NTMT1: variants seen among roughly 807,000 people sequenced by gnomAD.
NTMT1 encodes the protein N-terminal Xaa-Pro-Lys N-methyltransferase 1, also known as N-terminal RCC1 methyltransferase.
A neutral mutation model predicts 17.5 loss-of-function variants in NTMT1; 8 were observed. The ratio of observed to expected loss-of-function variants is 0.46; its 90% confidence interval spans 0.27 to 0.82. The LOEUF is 0.82. NTMT1 is among the 40% of genes least tolerant of loss of function. NTMT1 has a pLI of 0.15. For synonymous variants in NTMT1, 128 were observed against 126.8 expected (o/e 1.01, Z -0.06); for missense variants, 221 against 303.5 (o/e 0.73, Z 2.02).
At chr9:129,624,918 G>T (rs751555222), upstream of NTMT1, among the ~76,000 whole-genome samples, 24 of 152,256 alleles carry the variant, frequency 1.6e-4, no homozygotes, top group South Asian at 2.1e-4. Context: ...GTGCACCACC[G>T]TGCCCTGCCA....
At chr9:129,630,103 G>T (rs575310698) in intron 1 of NTMT1, among the ~76,000 whole-genome samples, 2 of 152,334 alleles carry the variant, frequency 1.3e-5, no homozygotes, top group Non-Finnish European at 2.9e-5. Context: ...CTTCTGGAAA[G>T]TTCCTTCTCT....
rs374533917 is a variant in NTMT1 at position 129,635,339 on chromosome 9, G to A, written c.547G>A (p.Val183Met). The change falls in exon 4 of 4, where the codon GTG becomes ATG. Residue 183 changes from valine to methionine, a missense_variant. By Grantham distance (21) the Val-to-Met change is conservative. Transcript: ENST00000372483. ...GATTCTGGACGACGTGGACAGCAGC[G>A]TGTGCCGGGACCTTGACGTGGTCCG... ...GVILDDVDSS[V>M]CRDLDVVRRI... 1.3e-5 allele frequency: 21 copies of A among 1,613,728 alleles called. No individual in the cohort carries two copies. Among genetic ancestry groups the A allele is most frequent in the African/African-American group, 4.0e-5 (3 of 74,930 alleles).
chr9:129,612,696 A>G (rs1180010649), intron 1 of NTMT1, among the ~76,000 whole-genome samples: 1 of 152,204 alleles, frequency 6.6e-6, no homozygotes, highest in Non-Finnish European at 1.5e-5. Flanking sequence ...TGGCCAGCAT[A>G]GTGAAACCCT....
rs755616716 is a variant in NTMT1 at position 129,634,264 on chromosome 9, G to A, written c.373G>A (p.Glu125Lys). Reference protein sequence around the residue: ...FCCGLQDFTPEPDSYDVIWIQ... With the variant: ...FCCGLQDFTPKPDSYDVIWIQ... The stretch of plus-strand genomic sequence containing the variant: ...TTGTGGGCTCCAGGACTTCACCCCG[G>A]AGCCGGACTCTTACGACGTGATCTG... The change falls in exon 3 of 4, where the codon GAG (glutamate) becomes AAG (lysine). Residue 125 changes from glutamate to lysine, a missense_variant. Coordinates refer to ENST00000372483, the MANE Select transcript of NTMT1 (RefSeq NM_014064.4). The A allele has an allele frequency of 6.2e-7, 1 of 1,613,294 alleles. No individual in the cohort carries two copies. The highest frequency in any genetic ancestry group is 2.2e-5 in the East Asian group (1 of 44,868).
At chr9:129,625,591 C>A (rs1364145906), upstream of NTMT1, among the ~76,000 whole-genome samples, 3 of 152,128 alleles carry the variant, frequency 2.0e-5, no homozygotes, top group East Asian at 5.8e-4. Context: ...CTGTGTTGGG[C>A]GCGGTGGCTC....
At chr9:129,632,449 G>A (rs941286461) in intron 1 of NTMT1, among the ~76,000 whole-genome samples, 2 of 152,222 alleles carry the variant, frequency 1.3e-5, no homozygotes, top group African/African-American at 2.4e-5. Context: ...TTGAAGCCAG[G>A]ACTTGGGGCG....
In NTMT1 at chr9:129,620,053, C is replaced by G. The variant is rs573286907; in HGVS notation, c.-55+10875C>G. The G allele has an allele frequency of 6.9e-7, 1 of 1,454,270 alleles. No individual in the cohort carries two copies. Among genetic ancestry groups the G allele is most frequent in the African/African-American group, 1.4e-5 (1 of 69,748 alleles). 90.1% of individuals were successfully genotyped at this position (1,454,270 alleles called of 1,614,324 possible). A position where few individuals can be genotyped will look rare whatever the true frequency, so the allele number is the denominator to read the frequency against. On this transcript the variant is annotated intron_variant, in intron 1 of 3. Transcript: ENST00000372486. This position sits in a 1 kb window ranked among gnomAD's most constrained non-coding sequence, Gnocchi z 5.8. ...ATGACTCGGGCCCGCCCCCCGGGCC[C>G]CGCGGGGCCTCACTCAGTGGCTCCG...
At chr9:129,632,338 G>A (rs1304074357) in intron 1 of NTMT1, among the ~76,000 whole-genome samples, 12 of 152,188 alleles carry the variant, frequency 7.9e-5, no homozygotes, top group Non-Finnish European at 1.0e-4. Context: ...TAGCTGCTCC[G>A]GAGGGTGAGG....
At chr9:129,616,520 C>T (rs1830397346) in intron 1 of NTMT1, among the ~76,000 whole-genome samples, 1 of 152,166 alleles carries the variant, frequency 6.6e-6, no homozygotes, top group African/African-American at 2.4e-5. Flanking sequence ...GCCCGCCTGC[C>T]TGAGCTGTTC....
intron 1 of NTMT1, among the ~76,000 whole-genome samples, chr9:129,631,508 CCTT>C (rs1393179950): frequency 2.4e-4 from 37 of 152,222 alleles, no homozygotes; most frequent in Non-Finnish European, 5.3e-4. Flanking sequence ...AGTTCTCTCT[CCTT>C]CTACCGTGGC....
At chr9:129,616,341 G>A (rs984621365) in intron 1 of NTMT1, among the ~76,000 whole-genome samples, 8 of 152,080 alleles carry the variant, frequency 5.3e-5, no homozygotes, top group East Asian at 1.9e-4. Flanking sequence ...TCAGCCTCCC[G>A]AGTAGCTGGG....
chr9:129,635,293 C>G lies in NTMT1; in HGVS notation c.501C>G (p.Asp167Glu). The change falls in exon 4 of 4, where the codon GAC becomes GAG. Residue 167 changes from aspartate (D) to glutamate (E), a missense_variant. Transcript: ENST00000372483. ...CCAACGGCATCATCGTCATCAAAGA[C>G]AACATGGCCCAGGAGGGCGTGATTC... is the stretch of plus-strand genomic sequence containing the variant. ...LRPNGIIVIK[D>E]NMAQEGVILD... The G allele has an allele frequency of 6.2e-7, 1 of 1,613,772 alleles. No individual in the cohort carries two copies. The highest frequency in any genetic ancestry group is 8.5e-7 in the Non-Finnish European group (1 of 1,180,008).
chr9:129,628,943 C>T (rs1260033457), intron 1 of NTMT1, among the ~76,000 whole-genome samples: 2 of 152,160 alleles, frequency 1.3e-5, no homozygotes, highest in African/African-American at 2.4e-5. Flanking sequence ...ATGGTCCAGT[C>T]TGAATGGGAG....
At chr9:129,627,490 C>A (rs776602982) in intron 1 of NTMT1, among the ~76,000 whole-genome samples, 10 of 152,200 alleles carry the variant, frequency 6.6e-5, no homozygotes, top group Non-Finnish European at 1.5e-4. Flanking sequence ...CTGTGCAAAG[C>A]ACTTTAAGCT....
intron 1 of NTMT1, among the ~76,000 whole-genome samples, chr9:129,615,194 C>T (rs549112111): frequency 5.3e-5 from 8 of 152,182 alleles, no homozygotes; most frequent in South Asian, 2.1e-4. Flanking sequence ...GCTCCGGCTA[C>T]GGGTCTCAAG....
intron 1 of NTMT1, among the ~76,000 whole-genome samples, chr9:129,611,554 C>A (rs1830115923): frequency 6.6e-6 from 1 of 152,202 alleles, no homozygotes; most frequent in African/African-American, 2.4e-5. Context: ...ACACAGGGCT[C>A]TCTTCCCTCG....
chr9:129,609,993 C>A (rs1019605298), intron 1 of NTMT1, among the ~76,000 whole-genome samples: 1 of 141,112 alleles, frequency 7.1e-6, no homozygotes, highest in Non-Finnish European at 1.5e-5. Context: ...TGTCTGTGTA[C>A]CGTGTGGGTG....
Position 129,620,743 on chromosome 9 carries a change from G to C in NTMT1, c.-55+11565G>C. The stretch of plus-strand genomic sequence containing the variant: ...GGACAGCGAGTGGCTTCAGGCGAGA[G>C]CTCCCAGAGCCTCTGTTTCCTCACC... On this transcript the variant is annotated intron_variant, in intron 1 of 3. Transcript: ENST00000372486. This position sits in a 1 kb window ranked among gnomAD's most constrained non-coding sequence, Gnocchi z 5.8. 2 of 526,290 alleles carry C rather than the reference G, an allele frequency of 3.8e-6. No individual in the cohort carries two copies. The highest frequency in any genetic ancestry group is 2.0e-4 in the South Asian group (2 of 9,944). The allele number at this position is 526,290 out of a possible 1,614,324, so 32.6% of individuals were successfully genotyped here.
At chr9:129,630,366 T>A (rs573226606) in intron 1 of NTMT1, among the ~76,000 whole-genome samples, 2 of 152,024 alleles carry the variant, frequency 1.3e-5, no homozygotes, top group South Asian at 2.1e-4. Context: ...CCAGCTACCC[T>A]GGAGGCTGAG....
Sources: gnomAD v4.1 joint callset for allele counts (sites outside exome capture counted in the v4.1 genomes callset) on GRCh38, gnomAD v4.1.1 for gene constraint, Gnocchi (gnomAD v3.1) non-coding constraint, MANE v1.5 for transcripts, NCBI Gene and HGNC (gene_info 2026-07-23, HGNC 2026-07-21) for gene names.